RCN2: variants seen among roughly 807,000 people sequenced by gnomAD.
The protein encoded by RCN2 is reticulocalbin 2, also known as reticulocalbin-2.
A neutral mutation model predicts 37.5 loss-of-function variants in RCN2; 23 were observed. That is an observed-to-expected ratio of 0.61 (90% CI 0.44 to 0.87). RCN2 has a LOEUF of 0.87. Among genes scored for constraint, RCN2 ranks in the 40% least tolerant of loss-of-function variants. RCN2 has a pLI of 0.00. For missense variants in RCN2, 381 were observed against 390.4 expected (o/e 0.98, Z 0.20); for synonymous variants, 140 against 144.6 (o/e 0.97, Z 0.23).
At chr15:76,940,754 G>A (rs564380269) in intron 3 of RCN2, among the ~76,000 whole-genome samples, 118 of 151,884 alleles carry the variant, frequency 7.8e-4, no homozygotes, top group African/African-American at 2.6e-3. Flanking sequence ...TAGAGACTGA[G>A]TTTCACCACG....
chr15:76,953,851 C>T lies in RCN2; in HGVS notation c.*4629C>T, dbSNP rs1448122243. ...CTTGATCTGCTGACCTCGTGATCCGCCCGCCTTGGCCTCCCAAAGTGCTGG... is the reference window on the plus strand; with the variant it reads ...CTTGATCTGCTGACCTCGTGATCCGTCCGCCTTGGCCTCCCAAAGTGCTGG... On this transcript the variant is annotated 3_prime_UTR_variant, in exon 7 of 7. Transcript: ENST00000394885. The T allele has an allele frequency of 1.3e-5, 2 of 150,598 alleles. No homozygotes were observed. Among genetic ancestry groups the T allele is most frequent in the Non-Finnish European group, 3.0e-5 (2 of 67,680 alleles). 9.3% of individuals were successfully genotyped at this position (150,598 alleles called of 1,614,324 possible).
At chr15:76,941,758 C>T in intron 3 of RCN2, 1 of 780,468 alleles carries the variant, frequency 1.3e-6, no homozygotes, top group South Asian at 2.8e-5. Context: ...CTACCCCCTT[C>T]ACTTTTTTTT....
Position 76,950,218 on chromosome 15 carries a change from T to G in RCN2, c.*996T>G, listed in dbSNP as rs2075314055. The G allele has an allele frequency of 6.6e-6, 1 of 152,080 alleles. No individual in the cohort carries two copies. The allele number at this position is 152,080 out of a possible 1,614,324, so 9.4% of individuals were successfully genotyped here. Reference sequence around the variant, plus strand: ...GCTGGTCAGTTATCAACAGTAGAGCTCAGTATCAATTTTACTGAAATTAAA... The same window carrying G: ...GCTGGTCAGTTATCAACAGTAGAGCGCAGTATCAATTTTACTGAAATTAAA... On this transcript the variant is annotated 3_prime_UTR_variant, in exon 7 of 7. Coordinates refer to ENST00000394885, the MANE Select transcript of RCN2 (RefSeq NM_002902.3).
At chr15:76,938,857 C>G in intron 3 of RCN2, 1 of 439,634 alleles carries the variant, frequency 2.3e-6, no homozygotes, top group Admixed American at 2.4e-5. Flanking sequence ...TCCTCATCTC[C>G]AAAAATGAGG....
intron 3 of RCN2, chr15:76,943,435 G>T: frequency 4.8e-6 from 1 of 207,586 alleles, no homozygotes; most frequent in Non-Finnish European, 9.6e-6. Context: ...TTAATGGTGT[G>T]GTAGGGATTC....
chr15:76,932,262 C>T, intron 1 of RCN2, 99 bp from the exon 2 acceptor site: 1 of 968,980 alleles, frequency 1.0e-6, no homozygotes, highest in Non-Finnish European at 1.6e-6. Flanking sequence ...ACCCCGAAAC[C>T]CTTTGGCAAG....
chr15:76,939,159 C>A (rs1370499813), intron 3 of RCN2, among the ~76,000 whole-genome samples: 3 of 151,970 alleles, frequency 2.0e-5, no homozygotes, highest in Non-Finnish European at 4.4e-5. Context: ...CGAGCCCAGG[C>A]AGTCAAGGCT....
At chr15:76,934,344 C>G (rs371257232) in intron 2 of RCN2, among the ~76,000 whole-genome samples, 1 of 151,786 alleles carries the variant, frequency 6.6e-6, no homozygotes, top group Non-Finnish European at 1.5e-5. Flanking sequence ...GGGTTTTACC[C>G]GAGACCAGGC....
intron 4 of RCN2, among the ~76,000 whole-genome samples, chr15:76,945,014 GTTCA>G (rs1404300271): frequency 6.6e-6 from 1 of 152,178 alleles, no homozygotes; most frequent in Non-Finnish European, 1.5e-5. Flanking sequence ...TTTAAAACCT[GTTCA>G]TTAAGTTGTT....
In RCN2 at chr15:76,952,173, G is replaced by A. The variant is rs941741521; in HGVS notation, c.*2951G>A. ...GTCATGAGATAGTACCTACCAGAGT[G>A]GTACATTTGTTAAAATCGATGAAAC... On this transcript the variant is annotated 3_prime_UTR_variant, in exon 7 of 7. Coordinates refer to ENST00000394885, the MANE Select transcript of RCN2 (RefSeq NM_002902.3). 6.6e-6 allele frequency: 1 copy of A among 151,902 alleles called. No individual in the cohort carries two copies. Among genetic ancestry groups the A allele is most frequent in the Non-Finnish European group, 1.5e-5 (1 of 68,006 alleles). The allele number at this position is 151,902 out of a possible 1,614,324, so 9.4% of individuals were successfully genotyped here.
chr15:76,943,983 ACTTTTT>A, intron 4 of RCN2, 112 bp downstream of exon 4: 1 of 245,414 alleles, frequency 4.1e-6, no homozygotes, highest in Non-Finnish European at 7.4e-6. Flanking sequence ...GATACATGAG[ACTTTTT>A]TTTTTTTTTT....
At chr15:76,938,696 A>G (rs530866544) in intron 3 of RCN2, 89 of 454,382 alleles carry the variant, frequency 2.0e-4, no homozygotes, top group Non-Finnish European at 3.6e-4. Context: ...ACTAACTCTA[A>G]GTTGGTTAAT....
chr15:76,933,117 C>A (rs2075231846), intron 2 of RCN2, among the ~76,000 whole-genome samples: 2 of 152,094 alleles, frequency 1.3e-5, no homozygotes, highest in African/African-American at 4.8e-5. Flanking sequence ...ATTCTCTAGT[C>A]AGAAATGAAA....
intron 3 of RCN2, chr15:76,942,989 C>G (rs2075281848): frequency 6.6e-6 from 1 of 152,054 alleles, no homozygotes; most frequent in South Asian, 2.1e-4. Context: ...GGTACATATA[C>G]TAATATTATG....
intron 4 of RCN2, among the ~76,000 whole-genome samples, chr15:76,946,833 T>A (rs1376645897): frequency 1.3e-5 from 2 of 151,756 alleles, no homozygotes; most frequent in Non-Finnish European, 2.9e-5. Context: ...GGGAAAAGGA[T>A]TGGTTGTTTG....
intron 3 of RCN2, among the ~76,000 whole-genome samples, chr15:76,940,585 GTCACCCAGGCTGGAGTGCAGTGGTGCAA>G (rs1401390068): frequency 8.0e-5 from 10 of 125,204 alleles, no homozygotes; most frequent in African/African-American, 3.0e-4. Flanking sequence ...GTGTCGCTCT[GTCACCCAGGCTGGAGTGCAGTGGTGCAA>G]TCTCGGCTCA....
rs1193928380 is a variant in RCN2, at chr15:76,953,575, ATATATATATATATATATATTTTTTTTTTT to A, written c.*4355_*4383del. The stretch of plus-strand genomic sequence containing the variant: ...TAATTCTATATATATATATATATAT[ATATATATATATATATATATTTTTTTTTTT>A]TTTTTTTTTTTTTTTTTTTTTGAGA... On this transcript the variant is annotated 3_prime_UTR_variant, in exon 7 of 7. Transcript: ENST00000394885. 1.0e-3 allele frequency: 18 copies of A among 17,626 alleles called. No individual in the cohort carries two copies. The highest frequency in any genetic ancestry group is 4.1e-3 in the African/African-American group (17 of 4,154). The allele number at this position is 17,626 out of a possible 1,614,324, so 1.1% of individuals were successfully genotyped here.
Position 76,931,848 on chromosome 15 carries a change from C to T in RCN2, c.7C>T (p.Leu3=). MR[L]GPRTAALGLL... is the part of the protein sequence containing the mutation. ...TCCTCCGCGGGCCGGCGCGATGCGG[C>T]TGGGCCCGAGGACCGCGGCGTTGGG... is the stretch of plus-strand genomic sequence containing the variant. The change falls in exon 1 of 7, where the codon CTG becomes TTG. Residue 3 remains leucine (L), a synonymous_variant. Coordinates refer to ENST00000394885, the MANE Select transcript of RCN2 (RefSeq NM_002902.3). 8.0e-7 allele frequency: 1 copy of T among 1,249,554 alleles called. No individual in the cohort carries two copies. Among genetic ancestry groups the T allele is most frequent in the African/African-American group, 1.6e-5 (1 of 63,478 alleles). The allele number at this position is 1,249,554 out of a possible 1,614,324, so 77.4% of individuals were successfully genotyped here.
intron 3 of RCN2, chr15:76,943,544 C>T: frequency 2.6e-6 from 1 of 385,674 alleles, no homozygotes; most frequent in East Asian, 3.8e-5. Flanking sequence ...TAGTAAGTGG[C>T]ATTGCTGGAA....
Sources: allele counts gnomAD v4.1 joint callset (sites outside exome capture counted in the v4.1 genomes callset), GRCh38; gene constraint gnomAD v4.1.1; transcripts MANE v1.5; gene names NCBI Gene and HGNC (gene_info 2026-07-23, HGNC 2026-07-21).